SYN2: variants seen among roughly 807,000 people sequenced by gnomAD.
SYN2 encodes the protein synapsin II.
A neutral mutation model predicts 50.9 loss-of-function variants in SYN2; 19 were observed. The observed-to-expected ratio is 0.37, with a 90% CI of 0.26 to 0.55. The LOEUF is 0.55. SYN2 is among the 20% of genes least tolerant of loss of function. The pLI, the probability that SYN2 is intolerant of heterozygous loss-of-function variation, is 0.81. For missense variants in SYN2, 587 were observed against 576.4 expected (o/e 1.02, Z -0.19); for synonymous variants, 255 against 224.9 (o/e 1.13, Z -1.20).
intron 10 of SYN2, among the ~76,000 whole-genome samples, chr3:12,177,756 G>A (rs759209220): frequency 2.3e-4 from 35 of 152,214 alleles, no homozygotes; most frequent in Non-Finnish European, 4.0e-4. Context: ...TTCTGGGACT[G>A]TCTTAACTTT....
At chr3:12,172,422 T>C (rs749794760) in intron 10 of SYN2, among the ~76,000 whole-genome samples, 4 of 152,214 alleles carry the variant, frequency 2.6e-5, no homozygotes, top group Non-Finnish European at 4.4e-5. Context: ...CAGAACTCAC[T>C]GAAAGCTATT....
At chr3:12,114,899 A>G (rs1020230943) in intron 1 of SYN2, among the ~76,000 whole-genome samples, 8 of 152,132 alleles carry the variant, frequency 5.3e-5, no homozygotes, top group Non-Finnish European at 1.0e-4. Context: ...AGAGCTTTCT[A>G]TTAACCACAA....
chr3:12,082,520 C>G lies in SYN2; in HGVS notation c.378-58131C>G, dbSNP rs58292000. 7.8e-3 allele frequency among the ~76,000 whole-genome samples: 1,181 copies of G among 152,326 alleles called. 10 individuals are homozygous for G. The highest frequency in any genetic ancestry group is 0.027 in the African/African-American group (1,114 of 41,590). On this transcript the variant is annotated intron_variant, in intron 1 of 12. Coordinates refer to ENST00000621198, the MANE Select transcript of SYN2 (RefSeq NM_133625.6). ...AGCAGTCTAAAGCTTGCTATATTAA[C>G]TCTTTTCTGCAAAGTTTGGTATTAG...
chr3:12,086,214 T>C (rs138796314), intron 1 of SYN2, among the ~76,000 whole-genome samples: 1 of 152,052 alleles, frequency 6.6e-6, no homozygotes, highest in African/African-American at 2.4e-5. Context: ...AGTAAGGAGA[T>C]TGAATAAGTA....
chr3:12,165,242 C>T (rs1288279882), intron 7 of SYN2: 1 of 152,196 alleles, frequency 6.6e-6, no homozygotes, highest in East Asian at 1.9e-4. Flanking sequence ...GCCTTGGCCT[C>T]CCAAAGTGCT....
intron 5 of SYN2, among the ~76,000 whole-genome samples, chr3:12,152,763 A>C (rs1000457963): frequency 6.6e-6 from 1 of 152,208 alleles, no homozygotes; most frequent in African/African-American, 2.4e-5. Flanking sequence ...AGTAATTTAA[A>C]AGAGACAGAA....
intron 2 of SYN2, among the ~76,000 whole-genome samples, chr3:12,141,540 T>C (rs1697018337): frequency 2.0e-5 from 3 of 152,376 alleles, no homozygotes; most frequent in Non-Finnish European, 4.4e-5. Flanking sequence ...GCTTTTATGT[T>C]GAAACTGATA....
intron 1 of SYN2, among the ~76,000 whole-genome samples, chr3:12,082,858 A>G (rs1695611706): frequency 6.6e-6 from 1 of 152,046 alleles, no homozygotes; most frequent in Non-Finnish European, 1.5e-5. Flanking sequence ...TCTCTTACCT[A>G]TTTATAAAGG....
intron 1 of SYN2, among the ~76,000 whole-genome samples, chr3:12,130,158 ATATG>A (rs1392170733): frequency 3.3e-5 from 5 of 151,482 alleles, no homozygotes; most frequent in African/African-American, 1.2e-4. Context: ...GTACATATAT[ATATG>A]TGTGTGTGAG....
intron 1 of SYN2, among the ~76,000 whole-genome samples, chr3:12,094,960 G>A (rs1312771787): frequency 5.3e-5 from 8 of 152,286 alleles, no homozygotes; most frequent in Non-Finnish European, 8.8e-5. Context: ...CTGAAACAAA[G>A]ATACAGTGTA....
At chr3:12,124,957 A>G (rs1696636811) in intron 1 of SYN2, among the ~76,000 whole-genome samples, 1 of 152,230 alleles carries the variant, frequency 6.6e-6, no homozygotes, top group Admixed American at 6.5e-5. Context: ...TATTCTTTAA[A>G]TATAGCTGTA....
chr3:12,118,250 C>T (rs1227467021), intron 1 of SYN2, among the ~76,000 whole-genome samples: 2 of 152,110 alleles, frequency 1.3e-5, no homozygotes, highest in Non-Finnish European at 2.9e-5. Context: ...ATATGAGAAA[C>T]TTTGAGTAAT....
rs754418850 is a variant in SYN2 at position 12,004,508 on chromosome 3, C to T, written c.-44C>T. 2.6e-5 allele frequency: 13 copies of T among 499,276 alleles called. No homozygotes were observed. The highest frequency in any genetic ancestry group is 4.1e-5 in the Non-Finnish European group (11 of 265,786). The allele number at this position is 499,276 out of a possible 1,614,324, so 30.9% of individuals were successfully genotyped here. A position where few individuals can be genotyped will look rare whatever the true frequency, so the allele number is the denominator to read the frequency against. On this transcript the variant is annotated 5_prime_UTR_variant, in exon 1 of 13. Coordinates refer to ENST00000621198, the MANE Select transcript of SYN2 (RefSeq NM_133625.6). ...TTCCGCCCTCGCTCTCCCTCCGCGC[C>T]ACCAGACCCCGTAGCCCCGCGCGCC...
chr3:12,169,188 G>A (rs954520438), intron 9 of SYN2, among the ~76,000 whole-genome samples: 3 of 152,168 alleles, frequency 2.0e-5, no homozygotes, highest in African/African-American at 7.2e-5. Flanking sequence ...GTTGGACTAT[G>A]GAGTCTGTGA....
intron 7 of SYN2, chr3:12,165,770 C>T (rs1697773134): frequency 1.3e-5 from 2 of 152,212 alleles, no homozygotes; most frequent in African/African-American, 4.8e-5. Flanking sequence ...GTTAAGAAGA[C>T]AGTTATTTTT....
At chr3:12,029,197 C>T (rs1425923050) in intron 1 of SYN2, among the ~76,000 whole-genome samples, 3 of 126,874 alleles carry the variant, frequency 2.4e-5, no homozygotes, top group African/African-American at 3.9e-5. Context: ...AGGTATGCGG[C>T]GTTATTTCTG....
intron 1 of SYN2, among the ~76,000 whole-genome samples, chr3:12,047,205 C>G (rs138509030): frequency 6.6e-6 from 1 of 152,058 alleles, no homozygotes; most frequent in Admixed American, 6.6e-5. Flanking sequence ...TGAGATCTGG[C>G]TCACAGGTGT....
intron 1 of SYN2, among the ~76,000 whole-genome samples, chr3:12,126,460 T>C (rs1204777165): frequency 6.6e-6 from 1 of 152,238 alleles, no homozygotes; most frequent in Non-Finnish European, 1.5e-5. Context: ...GAAATCCTAC[T>C]GTTTAATTTC....
intron 1 of SYN2, among the ~76,000 whole-genome samples, chr3:12,086,068 G>T (rs1358757709): frequency 1.3e-5 from 2 of 152,122 alleles, no homozygotes; most frequent in Non-Finnish European, 2.9e-5. Flanking sequence ...CATTATACCT[G>T]ATACCACAGA....
Sources: gnomAD v4.1 joint callset for allele counts (sites outside exome capture counted in the v4.1 genomes callset) on GRCh38, gnomAD v4.1.1 for gene constraint, MANE v1.5 for transcripts, NCBI Gene and HGNC (gene_info 2026-07-23, HGNC 2026-07-21) for gene names.